The following PRKAR2B variants were observed in gnomAD, a reference collection of about 807,000 sequenced individuals.
The protein encoded by PRKAR2B is cAMP-dependent protein kinase type II-beta regulatory subunit.
A neutral mutation model predicts 49.9 loss-of-function variants in PRKAR2B; 14 were observed. The observed-to-expected ratio is 0.28, with a 90% CI of 0.19 to 0.44. PRKAR2B has a LOEUF of 0.44. PRKAR2B is among the 20% of genes least tolerant of loss of function. The pLI is 1.00. For synonymous variants in PRKAR2B, 196 were observed against 197.7 expected (o/e 0.99, Z 0.07); for missense variants, 393 against 537.9 (o/e 0.73, Z 2.67).
At chr7:107,112,047 TC>T (rs1795184547) in intron 2 of PRKAR2B, among the ~76,000 whole-genome samples, 1 of 137,172 alleles carries the variant, frequency 7.3e-6, no homozygotes, top group Non-Finnish European at 1.6e-5. Context: ...AGTCGTGTGC[TC>T]CTGTAGTCCT....
intron 4 of PRKAR2B, 69 bp from the exon 5 acceptor site, chr7:107,140,778 A>G: frequency 1.8e-6 from 2 of 1,120,246 alleles, no homozygotes; most frequent in South Asian, 1.5e-5. Context: ...CAGAAATATA[A>G]CTGTGGTTAC....
intron 2 of PRKAR2B, among the ~76,000 whole-genome samples, chr7:107,079,722 G>A (rs2251838): frequency 0.74 from 113,024 of 152,048 alleles, 43,058 homozygotes; most frequent in African/African-American, 0.93. Context: ...TACCGTTACT[G>A]TTACACATCG....
At chr7:107,061,839 G>A (rs1423632275) in intron 1 of PRKAR2B, among the ~76,000 whole-genome samples, 1 of 152,174 alleles carries the variant, frequency 6.6e-6, no homozygotes, top group Non-Finnish European at 1.5e-5. Flanking sequence ...GAAGGTTGCA[G>A]TGAACCAAGA....
At chr7:107,102,081 C>A (rs1007898569) in intron 2 of PRKAR2B, among the ~76,000 whole-genome samples, 3 of 152,026 alleles carry the variant, frequency 2.0e-5, no homozygotes, top group Non-Finnish European at 4.4e-5. Flanking sequence ...GTGGCACGTG[C>A]CTGTAATCCC....
At position 107,159,843 on chromosome 7, in the gene PRKAR2B, T is replaced by G; in HGVS notation, c.*261T>G. On this transcript the variant is annotated 3_prime_UTR_variant, in exon 11 of 11. Transcript: ENST00000265717. The stretch of plus-strand genomic sequence containing the variant: ...ACAAAATTATGACTGAAAGGTTTAT[T>G]AAAATGATTGTAATATATAGAAAGT... The G allele has an allele frequency of 2.9e-6, 1 of 348,630 alleles. No homozygotes were observed. Among genetic ancestry groups the G allele is most frequent in the Non-Finnish European group, 5.2e-6 (1 of 192,570 alleles). The allele number at this position is 348,630 out of a possible 1,614,324, so 21.6% of individuals were successfully genotyped here. A position where few individuals can be genotyped will look rare whatever the true frequency, so the allele number is the denominator to read the frequency against.
At chr7:107,060,277 T>G (rs1239720402) in intron 1 of PRKAR2B, among the ~76,000 whole-genome samples, 1 of 152,094 alleles carries the variant, frequency 6.6e-6, no homozygotes, top group Non-Finnish European at 1.5e-5. Flanking sequence ...ATTGTAGGGG[T>G]GCACAGCTTT....
intron 2 of PRKAR2B, among the ~76,000 whole-genome samples, chr7:107,112,366 A>C: frequency 6.6e-6 from 1 of 152,096 alleles, no homozygotes; most frequent in East Asian, 1.9e-4. Flanking sequence ...TTAAAGGTTC[A>C]TTTAAATTTA....
chr7:107,105,124 A>G (rs1795048990), intron 2 of PRKAR2B, among the ~76,000 whole-genome samples: 2 of 152,190 alleles, frequency 1.3e-5, no homozygotes, highest in Admixed American at 6.5e-5. Context: ...TTTCCGTGGT[A>G]ACCAACATTG....
chr7:107,063,014 T>G (rs1794056247), intron 1 of PRKAR2B, among the ~76,000 whole-genome samples: 1 of 152,064 alleles, frequency 6.6e-6, no homozygotes, highest in Non-Finnish European at 1.5e-5. Flanking sequence ...CATTTGCTGT[T>G]TTTTTTTGAA....
In PRKAR2B at chr7:107,153,221, A is replaced by G. The variant is rs77265974; in HGVS notation, c.888A>G (p.Val296=). ...LKVVDVIGTK[V]YNDGEQIIAQ... ...TAGTAGATGTGATAGGCACCAAAGT[A>G]TACAACGATGGAGAACAAATCATTG... Residue 296 remains valine, a synonymous_variant, in exon 8 of 11, where the codon GTA becomes GTG. Transcript: ENST00000265717. 2.0e-4 allele frequency: 315 copies of G among 1,609,514 alleles called. 2 individuals are homozygous for G. In the African/African-American group the frequency reaches 3.6e-3, roughly 18 times the overall value.
chr7:107,146,552 A>C (rs908362319), intron 6 of PRKAR2B, 91 bp downstream of exon 6: 55 of 1,362,560 alleles, frequency 4.0e-5, no homozygotes, highest in Non-Finnish European at 5.5e-5. Flanking sequence ...ATTTTAATTT[A>C]AAGATCATCA....
At chr7:107,085,623 G>T (rs995734625) in intron 2 of PRKAR2B, among the ~76,000 whole-genome samples, 4 of 152,024 alleles carry the variant, frequency 2.6e-5, no homozygotes, top group Admixed American at 2.6e-4. Context: ...GTATTTCCTT[G>T]GGTGTTTTTA....
intron 1 of PRKAR2B, among the ~76,000 whole-genome samples, chr7:107,056,787 T>A (rs1344164843): frequency 6.6e-6 from 1 of 152,220 alleles, no homozygotes; most frequent in Admixed American, 6.5e-5. Flanking sequence ...TTAAGATGTT[T>A]CATAAAATAT....
intron 4 of PRKAR2B, chr7:107,133,776 T>G (rs1795644936): frequency 6.6e-6 from 1 of 152,098 alleles, no homozygotes; most frequent in Non-Finnish European, 1.5e-5. Flanking sequence ...TTAATTAGAG[T>G]TTTTTTAGTT....
chr7:107,141,799 ATAAG>A (rs925805230), intron 5 of PRKAR2B, among the ~76,000 whole-genome samples: 1 of 152,242 alleles, frequency 6.6e-6, no homozygotes, highest in Non-Finnish European at 1.5e-5. Context: ...TCCAGTCCAC[ATAAG>A]TAAGTAGTTT....
intron 1 of PRKAR2B, among the ~76,000 whole-genome samples, chr7:107,065,852 C>A (rs1010672429): frequency 6.6e-6 from 1 of 152,142 alleles, no homozygotes; most frequent in Non-Finnish European, 1.5e-5. Context: ...GAACTCCGTC[C>A]AGCAGGTATG....
At chr7:107,054,770 G>A (rs1329643473) in intron 1 of PRKAR2B, among the ~76,000 whole-genome samples, 2 of 152,164 alleles carry the variant, frequency 1.3e-5, no homozygotes, top group Non-Finnish European at 1.5e-5. Context: ...GTGTATGAAT[G>A]TAAAATGATT....
intron 2 of PRKAR2B, among the ~76,000 whole-genome samples, chr7:107,121,317 T>C (rs551254398): frequency 1.0e-3 from 157 of 152,258 alleles, no homozygotes; most frequent in Non-Finnish European, 1.6e-3. Flanking sequence ...GCCAGCTAAA[T>C]GTTCAGTATT....
chr7:107,090,222 G>A (rs1213345170), intron 2 of PRKAR2B, among the ~76,000 whole-genome samples: 1 of 152,172 alleles, frequency 6.6e-6, no homozygotes, highest in African/African-American at 2.4e-5. Flanking sequence ...CTGGTTTTGA[G>A]CCCTGTTAGG....
Sources: gnomAD v4.1 joint callset for allele counts (sites outside exome capture counted in the v4.1 genomes callset) on GRCh38, gnomAD v4.1.1 for gene constraint, MANE v1.5 for transcripts, NCBI Gene and HGNC (gene_info 2026-07-23, HGNC 2026-07-21) for gene names.